Variants in KIAA1328 observed in about 807,000 individuals in gnomAD.
KIAA1328 encodes protein hinderin.
In KIAA1328, 52 loss-of-function variants were observed where a neutral mutation model predicts 68.1. That is an observed-to-expected ratio of 0.76 (90% CI 0.61 to 0.96). The LOEUF (loss-of-function observed/expected upper bound fraction) is 0.96, where lower values mean the gene tolerates loss of function less well. Ranked by LOEUF, KIAA1328 falls within the 40% of genes least tolerant of loss-of-function variation. The probability of loss-of-function intolerance (pLI) is 0.00; values close to 1 mark genes in which losing one functional copy is unlikely to be tolerated. For synonymous variants in KIAA1328, 232 were observed against 239.4 expected, an observed-to-expected ratio of 0.97 and a Z score of 0.28; for missense variants, 641 against 677.6, an observed-to-expected ratio of 0.95 and a Z score of 0.60.
chr18:37,026,299 G>C (rs1162355532), intron 6 of KIAA1328, among the ~76,000 whole-genome samples: 1 of 152,114 alleles, frequency 6.6e-6, no homozygotes, highest in African/African-American at 2.4e-5. Flanking sequence ...GAGGTACAAG[G>C]AGGAGCTGGT....
intron 7 of KIAA1328, among the ~76,000 whole-genome samples, chr18:37,121,241 TG>T (rs1367758073): frequency 2.0e-5 from 3 of 152,134 alleles, no homozygotes; most frequent in Non-Finnish European, 4.4e-5. Flanking sequence ...TCCAACCATT[TG>T]AAAAACACGA....
At chr18:36,879,544 G>A (rs1476406897) in intron 4 of KIAA1328, among the ~76,000 whole-genome samples, 1 of 152,210 alleles carries the variant, frequency 6.6e-6, no homozygotes, top group African/African-American at 2.4e-5. Flanking sequence ...TCGCTTAGCA[G>A]AGCTTGAGCA....
chr18:37,213,987 G>A (rs1177180262), intron 9 of KIAA1328, among the ~76,000 whole-genome samples: 5 of 152,102 alleles, frequency 3.3e-5, no homozygotes, highest in Non-Finnish European at 5.9e-5. Context: ...CCCACTTTTT[G>A]ATAGGGTTGT....
At chr18:37,003,710 A>G (rs929643649) in intron 6 of KIAA1328, among the ~76,000 whole-genome samples, 1 of 152,208 alleles carries the variant, frequency 6.6e-6, no homozygotes, top group Admixed American at 6.6e-5. Flanking sequence ...TAGAATTTTT[A>G]TAATTTCAGA....
intron 6 of KIAA1328, among the ~76,000 whole-genome samples, chr18:37,051,977 G>A (rs1411564482): frequency 2.6e-5 from 4 of 151,928 alleles, no homozygotes; most frequent in Non-Finnish European, 5.9e-5. Context: ...AGGAGGTGGA[G>A]GTTGCAGTGA....
chr18:37,048,017 T>C (rs2055544354), intron 6 of KIAA1328, among the ~76,000 whole-genome samples: 1 of 152,196 alleles, frequency 6.6e-6, no homozygotes, highest in African/African-American at 2.4e-5. Flanking sequence ...AGATTTGGCC[T>C]TTGGCTACAA....
chr18:36,913,543 T>TACACATAC lies in KIAA1328; in HGVS notation c.448+27876_448+27877insTACACACA. 3.8e-5 allele frequency among the ~76,000 whole-genome samples: 5 copies of TACACATAC among 131,500 alleles called. 1 individual carries two copies. The Middle Eastern group carries it at 0.016, about 411-fold the overall frequency. 86.3% of individuals were successfully genotyped at this position (131,500 alleles called of 152,430 possible). A position where few individuals can be genotyped will look rare whatever the true frequency, so the allele number is the denominator to read the frequency against. The stretch of plus-strand genomic sequence containing the variant: ...ACACACTTAGAGGAAAGCAACTGCC[T>TACACATAC]ACACACACACACACACACACACACA... On this transcript the variant is annotated intron_variant, in intron 5 of 9. Transcript: ENST00000280020.
intron 6 of KIAA1328, among the ~76,000 whole-genome samples, chr18:37,003,640 T>C (rs2053671120): frequency 6.6e-6 from 1 of 152,160 alleles, no homozygotes; most frequent in African/African-American, 2.4e-5. Context: ...GCTTTTGGGT[T>C]GTTGGTCATG....
chr18:36,831,303 C>CT (rs569059575), intron 1 of KIAA1328, among the ~76,000 whole-genome samples: 61 of 147,992 alleles, frequency 4.1e-4, no homozygotes, highest in East Asian at 7.9e-4. Flanking sequence ...TCAATGGCAC[C>CT]TTTTTTTTTT....
chr18:37,076,967 C>G (rs1444822676), intron 7 of KIAA1328, among the ~76,000 whole-genome samples: 1 of 152,248 alleles, frequency 6.6e-6, no homozygotes, highest in South Asian at 2.1e-4. Context: ...AGAAGGAATC[C>G]TCCCTAACTC....
intron 4 of KIAA1328, among the ~76,000 whole-genome samples, chr18:36,850,263 T>C (rs1472838332): frequency 6.6e-6 from 1 of 152,106 alleles, no homozygotes; most frequent in Non-Finnish European, 1.5e-5. Context: ...GAGATGGTTT[T>C]CTTAGTATCC....
chr18:36,937,493 GA>G (rs2050547098), intron 5 of KIAA1328, among the ~76,000 whole-genome samples: 1 of 151,858 alleles, frequency 6.6e-6, no homozygotes, highest in African/African-American at 2.4e-5. Flanking sequence ...AATTTACAAG[GA>G]ACTTAAACAA....
At chr18:37,084,149 G>A (rs921531626) in intron 7 of KIAA1328, 25 of 1,511,228 alleles carry the variant, frequency 1.7e-5, no homozygotes, top group Middle Eastern at 3.4e-4. Flanking sequence ...CTCTGTTTAA[G>A]TCGAGAGAAC....
intron 1 of KIAA1328, 46 bp from the exon 2 acceptor site, chr18:36,834,274 A>T: frequency 3.4e-6 from 5 of 1,485,936 alleles, no homozygotes; most frequent in Non-Finnish European, 4.5e-6. Context: ...CAGCATTTGG[A>T]TGCCGGATAA....
chr18:37,160,637 G>T (rs572217927), intron 8 of KIAA1328, among the ~76,000 whole-genome samples: 1 of 152,288 alleles, frequency 6.6e-6, no homozygotes, highest in East Asian at 1.9e-4. Flanking sequence ...GAATTAGTCA[G>T]CAGTAAGTAT....
At position 36,842,544 on chromosome 18, in the gene KIAA1328, T is replaced by A. The variant is rs763485566; in HGVS notation, c.238-1664T>A. 1.1e-3 allele frequency among the ~76,000 whole-genome samples: 166 copies of A among 152,170 alleles called. 1 individual carries two copies. Among genetic ancestry groups the A allele is most frequent in the Non-Finnish European group, 2.6e-4 (18 of 68,020 alleles). On this transcript the variant is annotated intron_variant, in intron 3 of 9. Coordinates refer to ENST00000280020, the MANE Select transcript of KIAA1328 (RefSeq NM_020776.3). ...GGGTAGTTTTGAGGGGGAAAGTTAG[T>A]ATCATAGCTACCAGTACCTCTAGAA...
intron 6 of KIAA1328, among the ~76,000 whole-genome samples, chr18:37,009,662 A>G (rs1359717653): frequency 6.6e-6 from 1 of 152,200 alleles, no homozygotes; most frequent in Non-Finnish European, 1.5e-5. Context: ...CCAAATATCA[A>G]CAGGTCAATT....
chr18:36,936,754 C>G (rs2050515161), intron 5 of KIAA1328, among the ~76,000 whole-genome samples: 1 of 152,188 alleles, frequency 6.6e-6, no homozygotes, highest in African/African-American at 2.4e-5. Flanking sequence ...TTTTCTATTT[C>G]TCCACAGCCT....
At chr18:37,225,336 G>A, downstream of KIAA1328, 1 of 984,640 alleles carries the variant, frequency 1.0e-6, no homozygotes, top group Non-Finnish European at 1.2e-6. Flanking sequence ...TTTTCCCCAT[G>A]TGGGTTTGAT....
Sources: allele counts gnomAD v4.1 joint callset (sites outside exome capture counted in the v4.1 genomes callset), GRCh38; gene constraint gnomAD v4.1.1; transcripts MANE v1.5; gene names NCBI Gene and HGNC (gene_info 2026-07-23, HGNC 2026-07-21).